The following ARMH4 variants were observed in gnomAD, a reference collection of about 807,000 sequenced individuals.
ARMH4 encodes the protein armadillo like helical domain containing 4, also known as armadillo-like helical domain-containing protein 4.
Under a neutral mutation model 61.9 loss-of-function variants are expected in ARMH4, and 49 were observed. The ratio of observed to expected loss-of-function variants is 0.79; its 90% CI spans 0.63 to 1.00. The LOEUF is 1.00. Ranked by LOEUF, ARMH4 falls within the 50% of genes least tolerant of loss-of-function variation. The pLI is 0.00. For missense variants in ARMH4, 934 were observed against 930.0 expected (o/e 1.00, Z -0.06); for synonymous variants, 368 against 341.5 (o/e 1.08, Z -0.85).
At chr14:58,016,958 T>A (rs10147028) in intron 5 of ARMH4, among the ~76,000 whole-genome samples, 81,169 of 152,042 alleles carry the variant, frequency 0.53, 21,866 homozygotes, top group East Asian at 0.67. Context: ...TATTCAACTT[T>A]GCAGTGGAAG....
chr14:58,103,301 T>C (rs1469697062), intron 4 of ARMH4, among the ~76,000 whole-genome samples: 5 of 152,108 alleles, frequency 3.3e-5, no homozygotes, highest in South Asian at 4.2e-4. Context: ...CTCCCTGCTA[T>C]GGTCTGCATG....
intron 5 of ARMH4, among the ~76,000 whole-genome samples, chr14:58,075,043 C>T (rs1885001712): frequency 6.6e-6 from 1 of 152,146 alleles, no homozygotes; most frequent in African/African-American, 2.4e-5. Context: ...ATCAAAACTG[C>T]ATTGAGATAC....
At chr14:58,049,856 T>C (rs1483740866) in intron 5 of ARMH4, among the ~76,000 whole-genome samples, 2 of 152,238 alleles carry the variant, frequency 1.3e-5, no homozygotes, top group Non-Finnish European at 2.9e-5. Context: ...AAGCTCATCC[T>C]TCTCACAACC....
chr14:58,086,101 T>C (rs1885369063), intron 5 of ARMH4, among the ~76,000 whole-genome samples: 1 of 152,154 alleles, frequency 6.6e-6, no homozygotes, highest in Non-Finnish European at 1.5e-5. Flanking sequence ...AGGCTTTATG[T>C]CTATAAAGCC....
At chr14:58,100,652 T>A (rs1193206456) in intron 4 of ARMH4, among the ~76,000 whole-genome samples, 1 of 152,198 alleles carries the variant, frequency 6.6e-6, no homozygotes, top group East Asian at 1.9e-4. Flanking sequence ...TAAAACTACC[T>A]GAGGACTTCC....
chr14:58,036,889 G>T (rs554293820), intron 5 of ARMH4, among the ~76,000 whole-genome samples: 2 of 124,256 alleles, frequency 1.6e-5, no homozygotes, highest in East Asian at 4.7e-4. Context: ...CACTGCTCAA[G>T]GAAATAAAAG....
intron 5 of ARMH4, among the ~76,000 whole-genome samples, chr14:58,030,469 A>G (rs1248694301): frequency 6.6e-6 from 1 of 152,244 alleles, no homozygotes; most frequent in Non-Finnish European, 1.5e-5. Context: ...GTGGTAATAT[A>G]CACGTGACAT....
intron 5 of ARMH4, among the ~76,000 whole-genome samples, chr14:58,084,526 A>C (rs58172472): frequency 1.3e-5 from 2 of 152,178 alleles, no homozygotes; most frequent in Admixed American, 6.5e-5. Context: ...AATCTTCGGC[A>C]GTTGAAAGTT....
chr14:58,014,408 C>T (rs571574805), intron 5 of ARMH4, among the ~76,000 whole-genome samples: 4 of 152,142 alleles, frequency 2.6e-5, no homozygotes, highest in African/African-American at 9.6e-5. Flanking sequence ...TAAGATCCAC[C>T]GCTGATTCAC....
At chr14:58,130,022 T>G (rs1003384127) in intron 4 of ARMH4, among the ~76,000 whole-genome samples, 12 of 152,180 alleles carry the variant, frequency 7.9e-5, no homozygotes, top group Non-Finnish European at 1.6e-4. Flanking sequence ...TCTACTAAAT[T>G]TAGAAAGTTA....
intron 5 of ARMH4, among the ~76,000 whole-genome samples, chr14:58,067,067 A>G (rs1884728418): frequency 6.6e-6 from 1 of 152,228 alleles, no homozygotes; most frequent in Admixed American, 6.5e-5. Flanking sequence ...CTATGCGTAG[A>G]GGAATTGTTG....
chr14:58,141,723 C>A, intron 1 of ARMH4: 1 of 223,932 alleles, frequency 4.5e-6, no homozygotes, highest in Non-Finnish European at 8.8e-6. Flanking sequence ...GGCCCTGGGG[C>A]CTCAATAAAG....
intron 5 of ARMH4, among the ~76,000 whole-genome samples, chr14:58,031,949 G>A (rs965832556): frequency 6.6e-6 from 1 of 152,018 alleles, no homozygotes; most frequent in African/African-American, 2.4e-5. Flanking sequence ...GCTTTCTACT[G>A]CCCTCAGGAA....
At chr14:58,045,558 A>T (rs1488876390) in intron 5 of ARMH4, among the ~76,000 whole-genome samples, 1 of 151,926 alleles carries the variant, frequency 6.6e-6, no homozygotes, top group South Asian at 2.1e-4. Flanking sequence ...ACATGTATAC[A>T]TATGTAACAA....
chr14:58,095,796 C>T (rs967056752), intron 5 of ARMH4, among the ~76,000 whole-genome samples: 1 of 152,226 alleles, frequency 6.6e-6, no homozygotes, highest in Non-Finnish European at 1.5e-5. Context: ...TTTTCAATGA[C>T]ATATCCCCAA....
intron 5 of ARMH4, among the ~76,000 whole-genome samples, chr14:58,041,814 G>C (rs1370864854): frequency 6.6e-6 from 1 of 152,082 alleles, no homozygotes; most frequent in African/African-American, 2.4e-5. Context: ...GGATAAAACA[G>C]ACTTTAAACC....
At chr14:58,042,947 T>C (rs576494001) in intron 5 of ARMH4, among the ~76,000 whole-genome samples, 6 of 152,208 alleles carry the variant, frequency 3.9e-5, no homozygotes, top group South Asian at 4.2e-4. Flanking sequence ...GGCTCTGAAA[T>C]TGAGGCAATA....
At chr14:58,126,007 T>G (rs1886883567) in intron 4 of ARMH4, among the ~76,000 whole-genome samples, 1 of 152,128 alleles carries the variant, frequency 6.6e-6, no homozygotes, top group African/African-American at 2.4e-5. Flanking sequence ...GCCAATCATC[T>G]ATCACCTGAG....
At chr14:58,042,128 G>A (rs183779653) in intron 5 of ARMH4, among the ~76,000 whole-genome samples, 6 of 151,826 alleles carry the variant, frequency 4.0e-5, no homozygotes, top group Admixed American at 1.3e-4. Context: ...TCCACCCCAA[G>A]TCAACAGAAT....
Sources: gnomAD v4.1 joint callset for allele counts (sites outside exome capture counted in the v4.1 genomes callset) on GRCh38, gnomAD v4.1.1 for gene constraint, MANE v1.5 for transcripts, NCBI Gene and HGNC (gene_info 2026-07-23, HGNC 2026-07-21) for gene names.